The following MYH13 variants were observed in gnomAD, a reference collection of about 807,000 sequenced individuals.
MYH13 encodes myosin-13.
A neutral mutation model predicts 232.1 loss-of-function variants in MYH13; 177 were observed. The ratio of observed to expected loss-of-function variants is 0.76; its 90% CI spans 0.67 to 0.86. The LOEUF is 0.86. Ranked by LOEUF, MYH13 falls within the 40% of genes least tolerant of loss-of-function variation. MYH13 has a pLI of 0.00. For synonymous variants in MYH13, 884 were observed against 923.5 expected, an observed-to-expected ratio of 0.96 and a Z score of 0.78; for missense variants, 2,246 against 2,405.9, an observed-to-expected ratio of 0.93 and a Z score of 1.39.
intron 26 of MYH13, 24 bp downstream of exon 26, chr17:10,320,128 AT>A (rs1443250095): frequency 1.8e-5 from 27 of 1,540,720 alleles, no homozygotes; most frequent in Non-Finnish European, 2.4e-5. Flanking sequence ...GATTGTCATG[AT>A]TGGGAAGGTT....
At chr17:10,328,678 G>GTT (rs34649785) in intron 21 of MYH13, among the ~76,000 whole-genome samples, 29 of 128,038 alleles carry the variant, frequency 2.3e-4, no homozygotes, top group East Asian at 1.6e-3. Flanking sequence ...TTTTCTATTC[G>GTT]TTTTTTTTTT....
chr17:10,345,546 A>T lies in MYH13; in HGVS notation c.1334T>A (p.Ile445Asn), dbSNP rs770587087. The T allele has an allele frequency of 1.2e-6, 2 of 1,614,214 alleles. No individual in the cohort carries two copies. The highest frequency in any genetic ancestry group is 1.7e-6 in the Non-Finnish European group (2 of 1,180,048). ...CTGCTTGGTGTCCAGCTGCTGGTTG[A>T]TGCGGGTGACCATCCACAGGAACAT... ...EKMFLWMVTRINQQLDTKQPR... is the reference protein window; with the variant it reads ...EKMFLWMVTRNNQQLDTKQPR... The change falls in exon 14 of 41, where the codon ATC becomes AAC. Residue 445 changes from isoleucine to asparagine, a missense_variant. Coordinates refer to ENST00000252172, the MANE Select transcript of MYH13 (RefSeq NM_003802.3).
At chr17:10,325,646 G>T (rs1282217323) in intron 22 of MYH13, among the ~76,000 whole-genome samples, 1 of 152,112 alleles carries the variant, frequency 6.6e-6, no homozygotes, top group African/African-American at 2.4e-5. Flanking sequence ...TCTAAATCGG[G>T]CTATATCTTC....
intron 19 of MYH13, 36 bp downstream of exon 19, chr17:10,333,038 G>T: frequency 6.8e-7 from 1 of 1,464,524 alleles, no homozygotes; most frequent in Non-Finnish European, 9.4e-7. Context: ...AGGTGCCCTC[G>T]GAAGGAGAGA....
At chr17:10,311,005 G>T in intron 33 of MYH13, 98 bp downstream of exon 33, 2 of 1,449,046 alleles carry the variant, frequency 1.4e-6, no homozygotes, top group Non-Finnish European at 1.9e-6. Flanking sequence ...GGAGACTCAG[G>T]GTCTCCTGGC....
chr17:10,303,682 T>G (rs1211745491), intron 37 of MYH13, among the ~76,000 whole-genome samples, 184 bp from the exon 38 acceptor site: 1 of 152,168 alleles, frequency 6.6e-6, no homozygotes, highest in African/African-American at 2.4e-5. Flanking sequence ...GGTGGGAGTG[T>G]AAATTAGTTC....
At chr17:10,303,090 T>C in intron 39 of MYH13, 106 bp downstream of exon 39, 1 of 914,774 alleles carries the variant, frequency 1.1e-6, no homozygotes, top group Non-Finnish European at 1.7e-6. Flanking sequence ...AAATACAAAC[T>C]CAGGCCTGAG....
At position 10,309,662 on chromosome 17, in the gene MYH13, T is replaced by C. The variant is rs1906432834; in HGVS notation, c.4825A>G (p.Ile1609Val). ...CTCAGGGCGTCGTTCCGGCTGCGGA[T>C]TTCAGCATCCAGCACGCTCTGCAGG... Reference protein sequence around the residue: ...EALQSVLDAEIRSRNDALRLK... With the variant: ...EALQSVLDAEVRSRNDALRLK... Residue 1609 changes from isoleucine to valine, a missense_variant, in exon 34 of 41, where the codon ATC (isoleucine) becomes GTC (valine). By Grantham distance (29) the Ile-to-Val change is conservative. Coordinates refer to ENST00000252172, the MANE Select transcript of MYH13 (RefSeq NM_003802.3). The C allele has an allele frequency of 6.2e-7, 1 of 1,611,132 alleles. No homozygotes were observed. The highest frequency in any genetic ancestry group is 1.1e-5 in the South Asian group (1 of 90,296).
In MYH13 at chr17:10,301,648, T is replaced by G. The variant is rs1906096820; in HGVS notation, c.5723A>C (p.Glu1908Ala). The G allele has an allele frequency of 6.2e-7, 1 of 1,614,202 alleles. No homozygotes were observed. The highest frequency in any genetic ancestry group is 1.3e-5 in the African/African-American group (1 of 75,064). Residue 1908 changes from glutamate (E) to alanine (A), a missense_variant, in exon 40 of 41, where the codon GAG becomes GCG. By Grantham distance (107) the Glu-to-Ala change is moderately radical. Coordinates refer to ENST00000252172, the MANE Select transcript of MYH13 (RefSeq NM_003802.3). Reference sequence around the variant, plus strand: ...GATGTCCGCCCTCTCCGCGGCCTCCTCTAGCTCATGCTGGACTCTCCGGCA... The same window carrying G: ...GATGTCCGCCCTCTCCGCGGCCTCCGCTAGCTCATGCTGGACTCTCCGGCA... ...SRCRRVQHEL[E>A]EAAERADIAE...
intron 12 of MYH13, among the ~76,000 whole-genome samples, chr17:10,349,738 G>T (rs1380080849): frequency 6.6e-6 from 1 of 152,134 alleles, no homozygotes; most frequent in Non-Finnish European, 1.5e-5. Flanking sequence ...AGGATAGAAG[G>T]TTGGTAAGCA....
chr17:10,323,949 C>T (rs988629578), intron 23 of MYH13, 73 bp downstream of exon 23: 11 of 1,571,520 alleles, frequency 7.0e-6, no homozygotes, highest in Non-Finnish European at 6.9e-6. Flanking sequence ...TCCTACGCCA[C>T]CCTTTCTCCT....
In MYH13 at chr17:10,327,925, C is replaced by T. The variant is rs576189704; in HGVS notation, c.2632G>A (p.Glu878Lys). 1.4e-5 allele frequency: 23 copies of T among 1,613,912 alleles called. No homozygotes were observed. In the East Asian group the frequency reaches 4.2e-4, roughly 30 times the overall value. ...ARSEARRKEL[E>K]EKMVSLLQEK... Reference sequence around the variant, plus strand: ...TGCAGGAGGGAGACCATTTTCTCCTCCAGCTCCTTCCGGCGAGCCTCAGAT... The same window carrying T: ...TGCAGGAGGGAGACCATTTTCTCCTTCAGCTCCTTCCGGCGAGCCTCAGAT... Residue 878 changes from glutamate to lysine, a missense_variant, in exon 22 of 41, where the codon GAG (glutamate) becomes AAG (lysine). Glu to Lys is a moderately conservative substitution (Grantham distance 56). Coordinates refer to ENST00000252172, the MANE Select transcript of MYH13 (RefSeq NM_003802.3).
chr17:10,360,113 G>C, intron 6 of MYH13, 42 bp from the exon 7 acceptor site: 1 of 1,613,978 alleles, frequency 6.2e-7, no homozygotes. Context: ...GAGTGGAAGG[G>C]AGGGCACTGG....
rs935879905 is a variant in MYH13 at position 10,343,833 on chromosome 17, A to G, written c.1861T>C (p.Phe621Leu). 1 of 1,607,796 alleles carries G rather than the reference A, an allele frequency of 6.2e-7. No individual in the cohort carries two copies. The highest frequency in any genetic ancestry group is 1.7e-5 in the Admixed American group (1 of 59,174). The change falls in exon 16 of 41, where the codon TTC becomes CTC. Residue 621 changes from phenylalanine (F) to leucine (L), a missense_variant. By Grantham distance (22) the Phe-to-Leu change is conservative (BLOSUM62 0). Coordinates refer to ENST00000252172, the MANE Select transcript of MYH13 (RefSeq NM_003802.3). ...GCACCAGCATAGTTGGAAAAAAGGAAGGAGAGAAGCTTCAGCGAAGACTTC... is the reference window on the plus strand; with the variant it reads ...GCACCAGCATAGTTGGAAAAAAGGAGGGAGAGAAGCTTCAGCGAAGACTTC... Reference protein sequence around the residue: ...YQKSSLKLLSFLFSNYAGAET... With the variant: ...YQKSSLKLLSLLFSNYAGAET...
At position 10,360,024 on chromosome 17, in the gene MYH13, T is replaced by C. The variant is rs940194417; in HGVS notation, c.581A>G (p.Gln194Arg). Residue 194 changes from glutamine (Q) to arginine (R), a missense_variant, in exon 7 of 41, where the codon CAG becomes CGG. Coordinates refer to ENST00000252172, the MANE Select transcript of MYH13 (RefSeq NM_003802.3). ...GGTAACTGCAATTGTTGCAAAATAC[T>C]GGATGACACGCTTGGTGTTCACAGT... ...GKTVNTKRVI[Q>R]YFATIAVTGD... 3 of 1,614,164 alleles carry C rather than the reference T, an allele frequency of 1.9e-6. No homozygotes were observed. Among genetic ancestry groups the C allele is most frequent in the Non-Finnish European group, 1.7e-6 (2 of 1,180,028 alleles).
intron 22 of MYH13, among the ~76,000 whole-genome samples, chr17:10,326,543 TC>T (rs1907202163): frequency 6.6e-6 from 1 of 151,976 alleles, no homozygotes. Flanking sequence ...CGATCTCGGC[TC>T]ACTGCAACCT....
chr17:10,355,814 A>G (rs1212146790), intron 8 of MYH13, among the ~76,000 whole-genome samples: 3 of 105,224 alleles, frequency 2.9e-5, no homozygotes, highest in Non-Finnish European at 5.8e-5. Flanking sequence ...AACTGGTTGG[A>G]TTGTTCTGTC....
chr17:10,359,854 A>G (rs2071778140), intron 7 of MYH13, 106 bp downstream of exon 7: 2 of 984,236 alleles, frequency 2.0e-6, no homozygotes, highest in African/African-American at 3.2e-5. Flanking sequence ...AATTTTTCCT[A>G]TTTGCCGTTT....
At chr17:10,308,688 A>G (rs1906380176) in intron 35 of MYH13, among the ~76,000 whole-genome samples, 1 of 152,100 alleles carries the variant, frequency 6.6e-6, no homozygotes, top group African/African-American at 2.4e-5. Context: ...AAAAACTTTT[A>G]TAAAAATAAT....
Sources: allele counts gnomAD v4.1 joint callset (sites outside exome capture counted in the v4.1 genomes callset), GRCh38; gene constraint gnomAD v4.1.1; transcripts MANE v1.5; gene names NCBI Gene and HGNC (gene_info 2026-07-23, HGNC 2026-07-21).